FIG4: variants seen among roughly 807,000 people sequenced by gnomAD.
The protein encoded by FIG4 is FIG4 phosphoinositide 5-phosphatase.
A neutral mutation model predicts 118.6 loss-of-function variants in FIG4; 112 were observed. The ratio of observed to expected loss-of-function variants is 0.94; its 90% CI spans 0.81 to 1.11. The LOEUF (loss-of-function observed/expected upper bound fraction) is 1.11, where lower values mean the gene tolerates loss of function less well. Ranked by LOEUF, FIG4 falls within the 50% of genes least tolerant of loss-of-function variation. The pLI, the probability that FIG4 is intolerant of heterozygous loss-of-function variation, is 0.00. For synonymous variants in FIG4, 369 were observed against 381.2 expected, an observed-to-expected ratio of 0.97 and a Z score of 0.37; for missense variants, 969 against 1,111.7, an observed-to-expected ratio of 0.87 and a Z score of 1.83.
At chr6:109,702,084 C>T (rs1478878564) in intron 1 of FIG4, among the ~76,000 whole-genome samples, 2 of 152,196 alleles carry the variant, frequency 1.3e-5, no homozygotes, top group Non-Finnish European at 2.9e-5. Context: ...GGAGAAGCAA[C>T]TTCATGGTGC....
chr6:109,697,641 A>G (rs1447822021), intron 1 of FIG4, among the ~76,000 whole-genome samples: 3 of 152,186 alleles, frequency 2.0e-5, no homozygotes, highest in South Asian at 2.1e-4. Flanking sequence ...CATTTCTACA[A>G]TATTCTTACA....
At chr6:109,755,674 C>G (rs1776867111) in intron 10 of FIG4, among the ~76,000 whole-genome samples, 1 of 152,174 alleles carries the variant, frequency 6.6e-6, no homozygotes, top group Admixed American at 6.5e-5. Context: ...TTGAATTGAT[C>G]CCTTACCATT....
intron 2 of FIG4, 48 bp downstream of exon 2, chr6:109,715,224 T>C (rs376907640): frequency 3.4e-6 from 3 of 894,082 alleles, no homozygotes; most frequent in Non-Finnish European, 5.7e-6. Context: ...ATACCTGTTG[T>C]TTAAAGGACA....
chr6:109,803,621 C>CTT (rs199761048), intron 22 of FIG4, among the ~76,000 whole-genome samples: 1 of 149,406 alleles, frequency 6.7e-6, no homozygotes, highest in Non-Finnish European at 1.5e-5. Flanking sequence ...TTTCTTTTTT[C>CTT]TTTTTTTTTT....
At chr6:109,757,387 G>T (rs2128390302) in intron 10 of FIG4, among the ~76,000 whole-genome samples, 1 of 152,326 alleles carries the variant, frequency 6.6e-6, no homozygotes, top group South Asian at 2.1e-4. Context: ...CTCAGCAGAT[G>T]CAGAAAAGGC....
At chr6:109,823,146 G>T (rs533736700) in intron 22 of FIG4, among the ~76,000 whole-genome samples, 1 of 152,090 alleles carries the variant, frequency 6.6e-6, no homozygotes, top group Non-Finnish European at 1.5e-5. Flanking sequence ...ACCTTTGCCA[G>T]ACTGCAGTGT....
chr6:109,792,175 T>C (rs1778154120), intron 20 of FIG4, among the ~76,000 whole-genome samples: 1 of 152,234 alleles, frequency 6.6e-6, no homozygotes, highest in African/African-American at 2.4e-5. Context: ...TAAATAAAAT[T>C]ACACTGGAAT....
At chr6:109,766,460 G>A (rs995248032) in intron 14 of FIG4, among the ~76,000 whole-genome samples, 1 of 152,230 alleles carries the variant, frequency 6.6e-6, no homozygotes, top group Non-Finnish European at 1.5e-5. Context: ...GAGTCTTTAA[G>A]TGTGGTTAGA....
At chr6:109,741,954 T>C (rs1431350533) in intron 8 of FIG4, among the ~76,000 whole-genome samples, 5 of 152,178 alleles carry the variant, frequency 3.3e-5, no homozygotes, top group East Asian at 1.9e-4. Context: ...ACATTTTCTG[T>C]CTGAGATTGG....
chr6:109,752,891 G>A lies in FIG4; in HGVS notation c.1138-7359G>A. Among the ~76,000 whole-genome samples the A allele has an allele frequency of 1.3e-5, 2 of 152,162 alleles. 1 individual carries two copies. Among genetic ancestry groups the A allele is most frequent in the Non-Finnish European group, 2.9e-5 (2 of 68,024 alleles). ...GGCTTTTGTTGCCATTGCTTTTGGT[G>A]TTCTAGACATGAAGTCCTTGCCCAT... On this transcript the variant is annotated intron_variant, in intron 10 of 22. Coordinates refer to ENST00000230124, the MANE Select transcript of FIG4 (RefSeq NM_014845.6).
chr6:109,779,099 A>G (rs1777717886), intron 16 of FIG4, among the ~76,000 whole-genome samples: 1 of 152,144 alleles, frequency 6.6e-6, no homozygotes, highest in African/African-American at 2.4e-5. Context: ...AATATTATTT[A>G]CATGAATTTT....
intron 1 of FIG4, among the ~76,000 whole-genome samples, chr6:109,694,796 A>C (rs1337936085): frequency 4.6e-5 from 7 of 152,232 alleles, no homozygotes; most frequent in Non-Finnish European, 8.8e-5. Context: ...GACATTTCTC[A>C]AAAGAAGATA....
At chr6:109,793,276 G>A (rs1306674182) in intron 21 of FIG4, among the ~76,000 whole-genome samples, 1 of 152,210 alleles carries the variant, frequency 6.6e-6, no homozygotes, top group Non-Finnish European at 1.5e-5. Context: ...CTGGGATATT[G>A]ACAAATGAGG....
At chr6:109,712,690 A>G (rs1329225981) in intron 1 of FIG4, among the ~76,000 whole-genome samples, 1 of 152,188 alleles carries the variant, frequency 6.6e-6, no homozygotes, top group Non-Finnish European at 1.5e-5. Flanking sequence ...CTGTAGCTCA[A>G]TGAACTTCAT....
chr6:109,807,675 G>A (rs1778604190), intron 22 of FIG4, among the ~76,000 whole-genome samples: 2 of 152,162 alleles, frequency 1.3e-5, no homozygotes, highest in South Asian at 4.1e-4. Context: ...GTCCTGAAGT[G>A]TTTGCCCATG....
chr6:109,740,906 G>A lies in FIG4; in HGVS notation c.776-538G>A, dbSNP rs562250730. On this transcript the variant is annotated intron_variant, in intron 7 of 22. Transcript: ENST00000230124. The stretch of plus-strand genomic sequence containing the variant: ...ATGGTGGAAGGTGAAGGGGAAGCAC[G>A]CATGTCTTCACAATGGCAGAGCAGA... Among the ~76,000 whole-genome samples, 12 of 152,192 alleles carry A rather than the reference G, an allele frequency of 7.9e-5. No homozygotes were observed. In the East Asian group the frequency reaches 1.6e-3, roughly 20 times the overall value.
At chr6:109,773,559 G>A (rs541990849) in intron 15 of FIG4, among the ~76,000 whole-genome samples, 7 of 152,120 alleles carry the variant, frequency 4.6e-5, no homozygotes, top group African/African-American at 9.7e-5. Context: ...AACAAATCTT[G>A]TTGGTTATAC....
chr6:109,793,543 G>C (rs963026325), intron 21 of FIG4, among the ~76,000 whole-genome samples: 26 of 152,172 alleles, frequency 1.7e-4, no homozygotes, highest in Non-Finnish European at 4.4e-5. Context: ...AACCTGATGA[G>C]AACATTGCAA....
chr6:109,756,436 A>T (rs1362808498), intron 10 of FIG4, among the ~76,000 whole-genome samples: 1 of 151,554 alleles, frequency 6.6e-6, no homozygotes, highest in East Asian at 1.9e-4. Context: ...CTTCTCGAGG[A>T]GTATCTTTGT....
Sources: gnomAD v4.1 joint callset for allele counts (sites outside exome capture counted in the v4.1 genomes callset) on GRCh38, gnomAD v4.1.1 for gene constraint, MANE v1.5 for transcripts, NCBI Gene and HGNC (gene_info 2026-07-23, HGNC 2026-07-21) for gene names.